MEIS2: variants seen among roughly 807,000 people sequenced by gnomAD.
The protein encoded by MEIS2 is homeobox protein Meis2.
A neutral mutation model predicts 58.6 loss-of-function variants in MEIS2; 9 were observed. The ratio of observed to expected loss-of-function variants is 0.15; its 90% confidence interval spans 0.09 to 0.27. MEIS2 has a LOEUF of 0.27. Ranked by LOEUF, MEIS2 falls within the 10% of genes least tolerant of loss-of-function variation. The probability of loss-of-function intolerance (pLI) is 1.00; values close to 1 mark genes in which losing one functional copy is unlikely to be tolerated. For synonymous variants in MEIS2, 221 were observed against 228.4 expected (o/e 0.97, Z 0.29); for missense variants, 427 against 635.0 (o/e 0.67, Z 3.52).
chr15:36,997,465 A>C (rs536217288), intron 8 of MEIS2, among the ~76,000 whole-genome samples: 4 of 149,566 alleles, frequency 2.7e-5, no homozygotes, highest in Non-Finnish European at 4.4e-5. Flanking sequence ...TATCTTAGCC[A>C]ATTCTTGATT....
At chr15:36,953,798 C>T (rs574782793) in intron 8 of MEIS2, among the ~76,000 whole-genome samples, 2 of 152,258 alleles carry the variant, frequency 1.3e-5, no homozygotes, top group East Asian at 1.9e-4. Context: ...TGAAAGCAAG[C>T]TATCTTTATT....
chr15:37,072,226 A>G (rs1890802382), intron 7 of MEIS2, among the ~76,000 whole-genome samples: 2 of 152,106 alleles, frequency 1.3e-5, no homozygotes, highest in African/African-American at 4.8e-5. Context: ...CTTTTGCTTA[A>G]ACTTCTTTAA....
At chr15:37,043,396 C>G (rs2062516030) in intron 7 of MEIS2, among the ~76,000 whole-genome samples, 1 of 152,054 alleles carries the variant, frequency 6.6e-6, no homozygotes, top group Non-Finnish European at 1.5e-5. Context: ...AGACAGATAT[C>G]AATATTGATA....
chr15:36,970,966 T>C (rs1020621173), intron 8 of MEIS2, among the ~76,000 whole-genome samples: 3 of 152,116 alleles, frequency 2.0e-5, no homozygotes, highest in African/African-American at 7.2e-5. Context: ...AAGCAACATC[T>C]CATCAACAGA....
At chr15:36,930,525 G>A (rs1219119142) in intron 9 of MEIS2, among the ~76,000 whole-genome samples, 1 of 152,074 alleles carries the variant, frequency 6.6e-6, no homozygotes, top group African/African-American at 2.4e-5. Context: ...ATGCATTATC[G>A]CTCATTCCTC....
intron 9 of MEIS2, among the ~76,000 whole-genome samples, chr15:36,925,193 A>G (rs1195341602): frequency 6.6e-6 from 1 of 152,190 alleles, no homozygotes; most frequent in Non-Finnish European, 1.5e-5. Flanking sequence ...AAAAAAGGAG[A>G]AAAAAAGAGA....
chr15:37,087,180 C>G (rs1462949744), intron 6 of MEIS2, among the ~76,000 whole-genome samples: 1 of 152,098 alleles, frequency 6.6e-6, no homozygotes, highest in East Asian at 1.9e-4. Context: ...CAATATATGT[C>G]CTGTTCTCCA....
chr15:37,058,161 C>A (rs1343452246), intron 7 of MEIS2, among the ~76,000 whole-genome samples: 1 of 152,118 alleles, frequency 6.6e-6, no homozygotes, highest in Non-Finnish European at 1.5e-5. Flanking sequence ...CCCACACCCA[C>A]CTAAGGCCCC....
intron 1 of MEIS2, chr15:37,098,941 A>C: frequency 4.1e-6 from 4 of 985,588 alleles, no homozygotes; most frequent in Non-Finnish European, 4.8e-6. Flanking sequence ...CGTCCTTGTC[A>C]ATTTCAGAGA....
At chr15:37,036,729 T>C (rs2062170826) in intron 8 of MEIS2, 85 bp downstream of exon 8, 1 of 1,433,864 alleles carries the variant, frequency 7.0e-7, no homozygotes, top group Non-Finnish European at 9.2e-7. Flanking sequence ...GGCACCTTAG[T>C]TTAAAAAAAA....
chr15:36,946,056 A>G (rs1309535176), intron 9 of MEIS2, among the ~76,000 whole-genome samples: 1 of 151,974 alleles, frequency 6.6e-6, no homozygotes, highest in Non-Finnish European at 1.5e-5. Context: ...ATTTAAGTTA[A>G]TATTATAATT....
chr15:37,084,803 A>T (rs898452608), intron 6 of MEIS2, among the ~76,000 whole-genome samples: 1 of 152,204 alleles, frequency 6.6e-6, no homozygotes, highest in East Asian at 1.9e-4. Flanking sequence ...TACAGGAAGG[A>T]CTTTATCAGC....
chr15:37,004,381 A>T lies in MEIS2; in HGVS notation c.900+32433T>A, dbSNP rs369512514. Among the ~76,000 whole-genome samples, 7 of 152,346 alleles carry T rather than the reference A, an allele frequency of 4.6e-5. No homozygotes were observed. The East Asian group carries it at 7.7e-4, about 17-fold the overall frequency. On this transcript the variant is annotated intron_variant, in intron 8 of 11. Coordinates refer to ENST00000561208, the MANE Select transcript of MEIS2 (RefSeq NM_170675.5). ...ATTCTAGCAATAAATTTCAACTGTG[A>T]TGTTCAAGCACAAAACAGCCTGAGC...
chr15:36,978,004 A>G (rs2059814707), intron 8 of MEIS2, among the ~76,000 whole-genome samples: 1 of 152,210 alleles, frequency 6.6e-6, no homozygotes, highest in African/African-American at 2.4e-5. Context: ...AGAAAGGCAC[A>G]TGTTCTACAA....
chr15:37,046,502 T>C (rs1319478935), intron 7 of MEIS2, among the ~76,000 whole-genome samples: 2 of 152,174 alleles, frequency 1.3e-5, no homozygotes, highest in Non-Finnish European at 2.9e-5. Context: ...GAAAACCACT[T>C]CACCCACTGG....
intron 8 of MEIS2, among the ~76,000 whole-genome samples, chr15:36,975,635 C>A (rs570460990): frequency 2.0e-5 from 3 of 151,926 alleles, no homozygotes; most frequent in Admixed American, 2.0e-4. Flanking sequence ...GGGAATCTAA[C>A]GAGGTTTTGG....
At chr15:37,074,726 A>T (rs975984619) in intron 7 of MEIS2, among the ~76,000 whole-genome samples, 1 of 151,980 alleles carries the variant, frequency 6.6e-6, no homozygotes. Context: ...TATATTAAGC[A>T]CTTCACTTTC....
Position 37,028,891 on chromosome 15 carries a change from C to T in MEIS2, c.900+7923G>A, listed in dbSNP as rs181613977. 1.8e-3 allele frequency among the ~76,000 whole-genome samples: 272 copies of T among 152,186 alleles called. 2 individuals are homozygous for T. Among genetic ancestry groups the T allele is most frequent in the African/African-American group, 6.3e-3 (262 of 41,520 alleles). ...CTCTGAAATTACCCTTCTGCCCACC[C>T]CTATCTCCCATCCCCACCCCTCAAA... On this transcript the variant is annotated intron_variant, in intron 8 of 11. Coordinates refer to ENST00000561208, the MANE Select transcript of MEIS2 (RefSeq NM_170675.5).
intron 8 of MEIS2, among the ~76,000 whole-genome samples, chr15:36,991,787 T>C (rs1249475823): frequency 3.4e-5 from 4 of 117,098 alleles, no homozygotes; most frequent in East Asian, 2.4e-4. Flanking sequence ...TTTTTTCTTT[T>C]TTTTTTTTTT....
Sources: allele counts gnomAD v4.1 joint callset (sites outside exome capture counted in the v4.1 genomes callset), GRCh38; gene constraint gnomAD v4.1.1; transcripts MANE v1.5; gene names NCBI Gene and HGNC (gene_info 2026-07-23, HGNC 2026-07-21).